ARHGAP39: variants seen among roughly 807,000 people sequenced by gnomAD.
The protein encoded by ARHGAP39 is rho GTPase-activating protein 39.
Under a neutral mutation model 106.9 loss-of-function variants are expected in ARHGAP39, and 44 were observed. The ratio of observed to expected loss-of-function variants is 0.41; its 90% CI spans 0.32 to 0.53. The LOEUF is 0.53. Ranked by LOEUF, ARHGAP39 falls within the 20% of genes least tolerant of loss-of-function variation. The pLI, the probability that ARHGAP39 is intolerant of heterozygous loss-of-function variation, is 0.21. For synonymous variants in ARHGAP39, 768 were observed against 693.2 expected, an observed-to-expected ratio of 1.11 and a Z score of -1.69; for missense variants, 1,496 against 1,577.3, an observed-to-expected ratio of 0.95 and a Z score of 0.87.
chr8:144,611,164 G>A (rs948965917), intron 1 of ARHGAP39, among the ~76,000 whole-genome samples: 2 of 152,130 alleles, frequency 1.3e-5, no homozygotes, highest in African/African-American at 4.8e-5. Context: ...TTTGACTAAT[G>A]GAACATATAC....
chr8:144,556,923 A>G (rs80221658), intron 3 of ARHGAP39, among the ~76,000 whole-genome samples: 1 of 136,782 alleles, frequency 7.3e-6, no homozygotes, highest in Admixed American at 6.9e-5. Flanking sequence ...CTGAACCTTC[A>G]TAGTATTCAG....
chr8:144,671,573 G>A lies in ARHGAP39; in HGVS notation c.-82+14113C>T, dbSNP rs557738936. Among the ~76,000 whole-genome samples the A allele has an allele frequency of 9.2e-5, 14 of 152,304 alleles. No individual in the cohort carries two copies. The highest frequency in any genetic ancestry group is 8.3e-4 in the South Asian group (4 of 4,824). On this transcript the variant is annotated intron_variant, in intron 1 of 11. Transcript: ENST00000377307. The surrounding 1 kb of genome is among the most constrained non-coding windows in gnomAD (Gnocchi z 4.5). ...CTCCAGTCACAGAGCTGCCGGCTCCGGCCACACATCCCTCCCGCCTGAGGC... is the reference window on the plus strand; with the variant it reads ...CTCCAGTCACAGAGCTGCCGGCTCCAGCCACACATCCCTCCCGCCTGAGGC...
intron 1 of ARHGAP39, among the ~76,000 whole-genome samples, chr8:144,624,122 G>C (rs945340630): frequency 6.6e-6 from 1 of 152,130 alleles, no homozygotes; most frequent in Non-Finnish European, 1.5e-5. Flanking sequence ...GCTTCCTTAC[G>C]CTCGTGCTAA....
In ARHGAP39 at chr8:144,585,680, G is replaced by A. The variant is rs558477608; in HGVS notation, c.81-4403C>T. 8.4e-4 allele frequency among the ~76,000 whole-genome samples: 128 copies of A among 152,252 alleles called. 1 individual carries two copies. The highest frequency in any genetic ancestry group is 3.4e-3 in the Middle Eastern group (1 of 294). On this transcript the variant is annotated intron_variant, in intron 2 of 11. Coordinates refer to ENST00000377307, the MANE Select transcript of ARHGAP39 (RefSeq NM_025251.3). The surrounding 1 kb of genome is among the most constrained non-coding windows in gnomAD (Gnocchi z 4.6). ...AGGCTTGGCGGGGCCAGGACCTCCC[G>A]CCCATGGTGCCACGCGCTGCAGCCT...
At chr8:144,651,641 A>G (rs1454231966) in intron 1 of ARHGAP39, among the ~76,000 whole-genome samples, 5 of 152,158 alleles carry the variant, frequency 3.3e-5, no homozygotes, top group Non-Finnish European at 7.4e-5. Context: ...TAGGAGGAGG[A>G]GGTTGCAGTG....
At chr8:144,661,742 T>C (rs1821827547) in intron 1 of ARHGAP39, among the ~76,000 whole-genome samples, 1 of 151,970 alleles carries the variant, frequency 6.6e-6, no homozygotes, top group South Asian at 2.1e-4. Flanking sequence ...AGTGGTGTGA[T>C]CACAGCTCAC....
At chr8:144,606,592 T>TAAGAGAAGGAGG (rs956875003) in intron 1 of ARHGAP39, among the ~76,000 whole-genome samples, 2 of 152,048 alleles carry the variant, frequency 1.3e-5, no homozygotes, top group African/African-American at 4.8e-5. Flanking sequence ...TGTTTGTAGT[T>TAAGAGAAGGAGG]AAGAGAAGGA....
At chr8:144,599,002 G>A (rs1250992953) in intron 2 of ARHGAP39, among the ~76,000 whole-genome samples, 4 of 152,210 alleles carry the variant, frequency 2.6e-5, no homozygotes, top group Admixed American at 2.6e-4. Flanking sequence ...AACTACTTCA[G>A]TGATCATCAG....
At position 144,587,734 on chromosome 8, in the gene ARHGAP39, G is replaced by A. The variant is rs187292849; in HGVS notation, c.81-6457C>T. On this transcript the variant is annotated intron_variant, in intron 2 of 11. Transcript: ENST00000377307. ...CGGTGGCGCGATCTCGGCTCGCTGC[G>A]ACTTCTGCCTCCCAGGTTCAAGTGA... Among the ~76,000 whole-genome samples the A allele has an allele frequency of 2.1e-4, 32 of 151,310 alleles. No homozygotes were observed. In the East Asian group the frequency reaches 5.1e-3, roughly 24 times the overall value.
rs187938186 is a variant in ARHGAP39 at position 144,533,119 on chromosome 8, G to A, written c.2888+7C>T. ...CCCACACCCGGCGCCCGGGGTTGCCGTGGCACCTGAAGATGCCCTCTGTCT... is the reference window on the plus strand; with the variant it reads ...CCCACACCCGGCGCCCGGGGTTGCCATGGCACCTGAAGATGCCCTCTGTCT... On this transcript the variant is annotated splice_region_variant and intron_variant, in intron 9 of 11. Transcript: ENST00000377307. 904 of 1,594,490 alleles carry A rather than the reference G, an allele frequency of 5.7e-4. 6 individuals carry two copies. The African/African-American group carries it at 8.5e-3, about 15-fold the overall frequency.
intron 3 of ARHGAP39, among the ~76,000 whole-genome samples, chr8:144,561,239 C>T (rs150796384): frequency 1.4e-4 from 22 of 152,250 alleles, no homozygotes; most frequent in African/African-American, 4.1e-4. Flanking sequence ...TGGTTTCCAT[C>T]ACACTCCAGT....
chr8:144,612,208 G>A (rs1432134074), intron 1 of ARHGAP39, among the ~76,000 whole-genome samples: 18 of 81,656 alleles, frequency 2.2e-4, no homozygotes, highest in Non-Finnish European at 3.8e-4. Flanking sequence ...CAGCCAGGGC[G>A]ACAGAGTGAG....
chr8:144,613,056 C>G (rs936918706), intron 1 of ARHGAP39, among the ~76,000 whole-genome samples: 3 of 152,170 alleles, frequency 2.0e-5, no homozygotes, highest in African/African-American at 7.2e-5. Flanking sequence ...TTAGTAAATG[C>G]TTTTGGGTTT....
chr8:144,672,423 T>TCTTTAAA (rs1254926119), intron 1 of ARHGAP39, among the ~76,000 whole-genome samples: 1 of 152,194 alleles, frequency 6.6e-6, no homozygotes, highest in East Asian at 1.9e-4. Context: ...TGTTGGGGCC[T>TCTTTAAA]CTAGTAGTTT....
intron 1 of ARHGAP39, among the ~76,000 whole-genome samples, chr8:144,675,663 C>T (rs1391826094): frequency 1.3e-5 from 2 of 149,576 alleles, no homozygotes; most frequent in Non-Finnish European, 1.5e-5. Flanking sequence ...CCGGTGGGTT[C>T]GTGGTCTTCC....
At chr8:144,598,808 C>T (rs1442641640) in intron 2 of ARHGAP39, among the ~76,000 whole-genome samples, 1 of 152,216 alleles carries the variant, frequency 6.6e-6, no homozygotes, top group Non-Finnish European at 1.5e-5. Context: ...AAACCTTTCA[C>T]ATGCAAAAGC....
intron 1 of ARHGAP39, among the ~76,000 whole-genome samples, chr8:144,617,200 CTG>C (rs1820658028): frequency 6.7e-6 from 1 of 150,350 alleles, no homozygotes; most frequent in Admixed American, 6.6e-5. Flanking sequence ...GAGCGAGACT[CTG>C]TGTAAAAAAA....
chr8:144,697,957 A>G, the ARHGAP39 span, among the ~76,000 whole-genome samples: 1 of 152,196 alleles, frequency 6.6e-6, no homozygotes, highest in Non-Finnish European at 1.5e-5. Flanking sequence ...AATATTAAAC[A>G]TAGAGATCTG....
In ARHGAP39 at chr8:144,547,155, G is replaced by A; in HGVS notation, c.1931C>T (p.Ser644Leu). The A allele has an allele frequency of 6.2e-7, 1 of 1,608,502 alleles. No individual in the cohort carries two copies. Reference protein sequence around the residue: ...KSVSVQTNLASPEPYLHPSQS... With the variant: ...KSVSVQTNLALPEPYLHPSQS... Reference sequence around the variant, plus strand: ...TGAGGGGTGGAGGTAGGGCTCTGGTGAGGCCAGGTTGGTCTGCACGGAGAC... The same window carrying A: ...TGAGGGGTGGAGGTAGGGCTCTGGTAAGGCCAGGTTGGTCTGCACGGAGAC... The change falls in exon 5 of 12, where the codon TCA (serine) becomes TTA (leucine). Residue 644 changes from serine to leucine, a missense_variant. By Grantham distance (145) the Ser-to-Leu change is moderately radical. This residue lies in a region of ARHGAP39 where 905 missense variants were observed against 816.4 expected (regional missense o/e 1.11). Coordinates refer to ENST00000377307, the MANE Select transcript of ARHGAP39 (RefSeq NM_025251.3). The surrounding 1 kb of genome is among the most constrained non-coding windows in gnomAD (Gnocchi z 5.2).
Sources: gnomAD v4.1 joint callset for allele counts (sites outside exome capture counted in the v4.1 genomes callset) on GRCh38, gnomAD v4.1.1 for gene constraint, gnomAD v4.1.1 regional missense constraint, Gnocchi (gnomAD v3.1) non-coding constraint, MANE v1.5 for transcripts, NCBI Gene and HGNC (gene_info 2026-07-23, HGNC 2026-07-21) for gene names.